The following KDM4B variants were observed in gnomAD, a reference collection of about 807,000 sequenced individuals.
The protein encoded by KDM4B is lysine-specific demethylase 4B.
A neutral mutation model predicts 125.2 loss-of-function variants in KDM4B; 32 were observed. The ratio of observed to expected loss-of-function variants is 0.26; its 90% CI spans 0.19 to 0.34. The LOEUF is 0.34. KDM4B is among the 10% of genes least tolerant of loss of function. The probability of loss-of-function intolerance (pLI) is 1.00; values close to 1 mark genes in which losing one functional copy is unlikely to be tolerated. For missense variants in KDM4B, 1,190 were observed against 1,577.7 expected, an observed-to-expected ratio of 0.75 and a Z score of 4.16; for synonymous variants, 721 against 677.9, an observed-to-expected ratio of 1.06 and a Z score of -0.99.
intron 1 of KDM4B, among the ~76,000 whole-genome samples, chr19:5,008,181 G>GTATAAA (rs2035618883): frequency 6.6e-6 from 1 of 152,228 alleles, no homozygotes; most frequent in Admixed American, 6.5e-5. Context: ...TTTGGAATTA[G>GTATAAA]TATAAATATA....
intron 6 of KDM4B, among the ~76,000 whole-genome samples, chr19:5,059,711 C>T (rs1430027430): frequency 6.6e-6 from 1 of 152,352 alleles, no homozygotes; most frequent in East Asian, 1.9e-4. Context: ...AGGGGCCTGG[C>T]GGTCACCGTG....
chr19:5,146,488 A>T (rs1235765590), intron 21 of KDM4B, among the ~76,000 whole-genome samples: 2 of 152,116 alleles, frequency 1.3e-5, no homozygotes, highest in Non-Finnish European at 2.9e-5. Flanking sequence ...CCCTGGGGGG[A>T]GGCTCAGGCA....
chr19:5,121,706 G>A (rs2039365455), intron 11 of KDM4B, among the ~76,000 whole-genome samples: 1 of 152,108 alleles, frequency 6.6e-6, no homozygotes. Context: ...ATAAACAGAA[G>A]GACCTACCAG....
At chr19:5,054,490 G>GCA (rs2037333983) in intron 6 of KDM4B, among the ~76,000 whole-genome samples, 1 of 151,394 alleles carries the variant, frequency 6.6e-6, no homozygotes, top group African/African-American at 2.4e-5. Flanking sequence ...GTGTGTGTGT[G>GCA]CGCGCGCATG....
At chr19:5,112,071 A>G in intron 10 of KDM4B, 1 of 474,578 alleles carries the variant, frequency 2.1e-6, no homozygotes, top group South Asian at 2.7e-5. Context: ...TGGGCAACAT[A>G]TTGAGATGCC....
chr19:5,038,396 C>CGGATAGCCCTGGTCCCTCAGCTCCT (rs1328926097), intron 3 of KDM4B, among the ~76,000 whole-genome samples: 2 of 152,198 alleles, frequency 1.3e-5, no homozygotes, highest in Admixed American at 1.3e-4. Flanking sequence ...GCGTGTACTC[C>CGGATAGCCCTGGTCCCTCAGCTCCT]GGATAGCCCT....
chr19:5,090,220 C>T (rs2038645944), intron 9 of KDM4B, among the ~76,000 whole-genome samples: 1 of 152,128 alleles, frequency 6.6e-6, no homozygotes, highest in African/African-American at 2.4e-5. Context: ...CAGAGGACAG[C>T]AGGCTTGCCT....
intron 1 of KDM4B, among the ~76,000 whole-genome samples, chr19:5,015,467 G>A (rs2035863462): frequency 6.6e-6 from 1 of 152,086 alleles, no homozygotes; most frequent in Admixed American, 6.5e-5. Flanking sequence ...GACCAGGCTG[G>A]TCTTGAACCC....
chr19:5,130,771 C>T (rs972124380), intron 11 of KDM4B, among the ~76,000 whole-genome samples: 3 of 152,256 alleles, frequency 2.0e-5, no homozygotes, highest in Non-Finnish European at 4.4e-5. Flanking sequence ...GTCTCCTCAC[C>T]TCCCGTGACC....
chr19:5,069,491 G>A (rs540719505), intron 6 of KDM4B, among the ~76,000 whole-genome samples: 1 of 151,514 alleles, frequency 6.6e-6, no homozygotes, highest in Admixed American at 6.6e-5. Context: ...TGTATTTTTC[G>A]TAGAGGCGGG....
In KDM4B at chr19:5,141,486, A is replaced by G. The variant is rs1185311032; in HGVS notation, c.2551-2481A>G. On this transcript the variant is annotated intron_variant, in intron 18 of 22. Transcript: ENST00000159111. The surrounding 1 kb of genome is among the most constrained non-coding windows in gnomAD (Gnocchi z 6.4). ...TTACCGGTGCTTGTAACGATGAATT[A>G]AAAATCCTTTTACACGAGGCCCGCT... 1 of 152,220 alleles carries G rather than the reference A, an allele frequency of 6.6e-6. No homozygotes were observed. Among genetic ancestry groups the G allele is most frequent in the African/African-American group, 2.4e-5 (1 of 41,452 alleles). 9.4% of individuals were successfully genotyped at this position (152,220 alleles called of 1,614,324 possible). A position where few individuals can be genotyped will look rare whatever the true frequency, so the allele number is the denominator to read the frequency against.
At chr19:4,972,906 G>A (rs2034310483) in intron 1 of KDM4B, among the ~76,000 whole-genome samples, 1 of 152,176 alleles carries the variant, frequency 6.6e-6, no homozygotes, top group Admixed American at 6.5e-5. Flanking sequence ...GGGGCAGCCC[G>A]GCATCTGTGG....
At position 5,096,054 on chromosome 19, in the gene KDM4B, C is replaced by T. The variant is rs569945215; in HGVS notation, c.918+13550C>T. On this transcript the variant is annotated intron_variant, in intron 9 of 22. Coordinates refer to ENST00000159111, the MANE Select transcript of KDM4B (RefSeq NM_015015.3). ...TGGAAATGTAGGCCACAGACTGAGG[C>T]GCACACAGGGCCGGTGTACAGTGTG... Among the ~76,000 whole-genome samples the T allele has an allele frequency of 6.0e-5, 9 of 150,820 alleles. 1 individual carries two copies. In the East Asian group the frequency reaches 1.4e-3, roughly 23 times the overall value.
intron 1 of KDM4B, among the ~76,000 whole-genome samples, chr19:4,996,034 A>G (rs949566453): frequency 6.6e-6 from 1 of 152,140 alleles, no homozygotes; most frequent in Non-Finnish European, 1.5e-5. Flanking sequence ...TCTGTCGCCC[A>G]GGCTGGCCTG....
chr19:5,119,065 TG>T, intron 10 of KDM4B: 3 of 1,153,720 alleles, frequency 2.6e-6, no homozygotes, highest in Non-Finnish European at 3.7e-6. Flanking sequence ...CCAGGCGTCC[TG>T]GGGAGTTGAG....
At chr19:5,057,684 C>T (rs1408207609) in intron 6 of KDM4B, among the ~76,000 whole-genome samples, 1 of 152,204 alleles carries the variant, frequency 6.6e-6, no homozygotes, top group Non-Finnish European at 1.5e-5. Context: ...GACGTCCGAT[C>T]TGCCCTTGAA....
intron 6 of KDM4B, among the ~76,000 whole-genome samples, chr19:5,048,540 T>C (rs1376510304): frequency 7.0e-6 from 1 of 143,066 alleles, no homozygotes; most frequent in African/African-American, 2.6e-5. Flanking sequence ...AGCCTTTGCC[T>C]GGAGGGCGTG....
intron 1 of KDM4B, among the ~76,000 whole-genome samples, chr19:4,980,761 C>T (rs372089448): frequency 2.0e-5 from 3 of 152,208 alleles, no homozygotes; most frequent in East Asian, 3.9e-4. Context: ...CATCCTATTC[C>T]CCTGTGCGGG....
At chr19:5,129,614 C>T (rs1279169587) in intron 11 of KDM4B, among the ~76,000 whole-genome samples, 1 of 152,238 alleles carries the variant, frequency 6.6e-6, no homozygotes, top group East Asian at 1.9e-4. Context: ...TTAGCAGTGA[C>T]CAGTTCATCC....
Sources: gnomAD v4.1 joint callset for allele counts (sites outside exome capture counted in the v4.1 genomes callset) on GRCh38, gnomAD v4.1.1 for gene constraint, Gnocchi (gnomAD v3.1) non-coding constraint, MANE v1.5 for transcripts, NCBI Gene and HGNC (gene_info 2026-07-23, HGNC 2026-07-21) for gene names.